FAM171A1: variants seen among roughly 807,000 people sequenced by gnomAD.
FAM171A1 encodes protein FAM171A1.
A neutral mutation model predicts 74.9 loss-of-function variants in FAM171A1; 23 were observed. The ratio of observed to expected loss-of-function variants is 0.31; its 90% CI spans 0.22 to 0.44. The LOEUF is 0.44. Among genes scored for constraint, FAM171A1 ranks in the 20% least tolerant of loss-of-function variants. The pLI is 1.00. For synonymous variants in FAM171A1, 527 were observed against 505.7 expected (o/e 1.04, Z -0.57); for missense variants, 1,162 against 1,159.2 (o/e 1.00, Z -0.03).
intron 1 of FAM171A1, among the ~76,000 whole-genome samples, chr10:15,356,243 T>C (rs1268774880): frequency 6.7e-6 from 1 of 150,326 alleles, no homozygotes; most frequent in Admixed American, 6.6e-5. Context: ...AATACATACA[T>C]ACATATATAT....
At chr10:15,293,751 T>C (rs1248264139) in intron 1 of FAM171A1, among the ~76,000 whole-genome samples, 4 of 152,166 alleles carry the variant, frequency 2.6e-5, no homozygotes, top group Non-Finnish European at 5.9e-5. Flanking sequence ...GCATGCAAAC[T>C]GGCCCTGATT....
chr10:15,270,390 T>C (rs1391475165), intron 3 of FAM171A1, among the ~76,000 whole-genome samples: 7 of 152,202 alleles, frequency 4.6e-5, no homozygotes, highest in Non-Finnish European at 8.8e-5. Flanking sequence ...AAGCTCGAAC[T>C]GGGTGGAGCT....
chr10:15,362,071 G>A (rs138142333), intron 1 of FAM171A1, among the ~76,000 whole-genome samples: 6 of 152,320 alleles, frequency 3.9e-5, no homozygotes, highest in Non-Finnish European at 7.3e-5. Flanking sequence ...TCACATTTGA[G>A]TGTCCTTATA....
At chr10:15,250,130 C>A (rs1311469878) in intron 4 of FAM171A1, among the ~76,000 whole-genome samples, 1 of 152,158 alleles carries the variant, frequency 6.6e-6, no homozygotes, top group Non-Finnish European at 1.5e-5. Context: ...ATCCTTCATA[C>A]AGCAATTTCT....
chr10:15,317,751 C>T (rs191934711), intron 1 of FAM171A1, among the ~76,000 whole-genome samples: 1 of 152,294 alleles, frequency 6.6e-6, no homozygotes, highest in Non-Finnish European at 1.5e-5. Context: ...TATATACCCA[C>T]TAGGGTCCAT....
chr10:15,237,287 C>A (rs10906871), intron 5 of FAM171A1, among the ~76,000 whole-genome samples: 1 of 151,902 alleles, frequency 6.6e-6, no homozygotes, highest in Non-Finnish European at 1.5e-5. Context: ...GACCTAAGTC[C>A]CTAAGAATGG....
chr10:15,257,810 G>A (rs1834600525), intron 3 of FAM171A1, among the ~76,000 whole-genome samples: 1 of 152,170 alleles, frequency 6.6e-6, no homozygotes, highest in African/African-American at 2.4e-5. Context: ...CTGAGCCACA[G>A]CACAAATAAA....
intron 7 of FAM171A1, 149 bp from the exon 8 acceptor site, chr10:15,214,750 C>T (rs1564612362): frequency 9.7e-6 from 10 of 1,030,936 alleles, no homozygotes; most frequent in South Asian, 3.8e-5. Context: ...TCTCACCCCA[C>T]GCCCTGTCTT....
At chr10:15,270,902 T>C (rs575256905) in intron 3 of FAM171A1, among the ~76,000 whole-genome samples, 23 of 152,116 alleles carry the variant, frequency 1.5e-4, no homozygotes, top group African/African-American at 1.9e-4. Context: ...AGACCAAAGG[T>C]AGATAAAACC....
chr10:15,293,556 AAT>A (rs1039642866), intron 1 of FAM171A1, among the ~76,000 whole-genome samples: 19 of 64,132 alleles, frequency 3.0e-4, no homozygotes, highest in South Asian at 1.6e-3. Flanking sequence ...GTAAAAAAAA[AAT>A]ATATATATAT....
At chr10:15,237,394 C>A (rs893192041) in intron 5 of FAM171A1, 1 of 152,126 alleles carries the variant, frequency 6.6e-6, no homozygotes, top group Non-Finnish European at 1.5e-5. Flanking sequence ...GAGACAAACA[C>A]AAAAGGCTTA....
At chr10:15,307,641 C>T (rs535584024) in intron 1 of FAM171A1, among the ~76,000 whole-genome samples, 2 of 61,508 alleles carry the variant, frequency 3.3e-5, no homozygotes, top group Admixed American at 4.8e-4. Flanking sequence ...AGTGAAACTC[C>T]ATTTCAAAAA....
chr10:15,243,459 A>G (rs890945792), intron 5 of FAM171A1, among the ~76,000 whole-genome samples: 3 of 152,196 alleles, frequency 2.0e-5, no homozygotes, highest in Non-Finnish European at 1.5e-5. Flanking sequence ...TAAGTTTGTT[A>G]TTTGTGAACT....
chr10:15,314,688 T>G (rs1239044473), intron 1 of FAM171A1, among the ~76,000 whole-genome samples: 1 of 152,244 alleles, frequency 6.6e-6, no homozygotes, highest in Admixed American at 6.5e-5. Context: ...GCCCCAGCAC[T>G]CTTCTGCTTT....
intron 1 of FAM171A1, among the ~76,000 whole-genome samples, chr10:15,345,926 C>A (rs908115404): frequency 1.3e-5 from 2 of 152,128 alleles, no homozygotes; most frequent in African/African-American, 4.8e-5. Context: ...GAAATGTCCG[C>A]TGGATCTGGA....
chr10:15,230,092 T>G (rs944005958), intron 5 of FAM171A1, among the ~76,000 whole-genome samples: 8 of 152,352 alleles, frequency 5.3e-5, no homozygotes, highest in African/African-American at 1.9e-4. Flanking sequence ...AATACTTAAG[T>G]CTATGTTATT....
At chr10:15,313,669 T>C (rs1235174575) in intron 1 of FAM171A1, among the ~76,000 whole-genome samples, 7 of 152,192 alleles carry the variant, frequency 4.6e-5, no homozygotes, top group Admixed American at 2.0e-4. Flanking sequence ...AGAAATCACA[T>C]CCAAACGCCA....
At chr10:15,231,325 T>G (rs1039989838) in intron 5 of FAM171A1, among the ~76,000 whole-genome samples, 5 of 152,050 alleles carry the variant, frequency 3.3e-5, no homozygotes, top group Non-Finnish European at 5.9e-5. Context: ...CACCTCAGCC[T>G]CCCGAGTAGC....
Position 15,299,839 on chromosome 10 carries a change from G to A in FAM171A1, c.98-15734C>T, listed in dbSNP as rs190576676. ...TAAAAATACAGAAAATTAGACGGGC[G>A]TGGTGGTGGGTGCCTGTAGTCCCAG... On this transcript the variant is annotated intron_variant, in intron 1 of 7. Transcript: ENST00000378116. 1.4e-3 allele frequency among the ~76,000 whole-genome samples: 218 copies of A among 152,158 alleles called. 1 individual carries two copies. Among genetic ancestry groups the A allele is most frequent in the South Asian group, 5.4e-3 (26 of 4,822 alleles).
Sources: gnomAD v4.1 joint callset for allele counts (sites outside exome capture counted in the v4.1 genomes callset) on GRCh38, gnomAD v4.1.1 for gene constraint, MANE v1.5 for transcripts, NCBI Gene and HGNC (gene_info 2026-07-23, HGNC 2026-07-21) for gene names.